The following MSH5 variants were observed in gnomAD, a reference collection of about 807,000 sequenced individuals.
MSH5 encodes the protein mutS homolog 5, also known as mutS protein homolog 5.
MSH5 carries 78 observed loss-of-function variants against 107.7 expected under a neutral mutation model. That is an observed-to-expected ratio of 0.72 (90% CI 0.60 to 0.87). MSH5 has a LOEUF of 0.87. Ranked by LOEUF, MSH5 falls within the 40% of genes least tolerant of loss-of-function variation. MSH5 has a pLI of 0.00. For missense variants in MSH5, 889 were observed against 1,046.6 expected, an observed-to-expected ratio of 0.85 and a Z score of 2.08; for synonymous variants, 326 against 399.5, an observed-to-expected ratio of 0.82 and a Z score of 2.19.
intron 9 of MSH5, among the ~76,000 whole-genome samples, chr6:31,745,931 C>G (rs1581521921): frequency 6.6e-6 from 1 of 151,796 alleles, no homozygotes. Flanking sequence ...CGATGCCTGG[C>G]TAATTTTTGT....
intron 3 of MSH5, among the ~76,000 whole-genome samples, chr6:31,741,718 A>G (rs1808928084): frequency 6.6e-6 from 1 of 151,834 alleles, no homozygotes; most frequent in Admixed American, 6.6e-5. Flanking sequence ...ACTGTCTAGC[A>G]TATTTTGTGT....
Position 31,759,654 on chromosome 6 carries a change from A to C in MSH5, c.1496-132A>C. 2 of 1,356,636 alleles carry C rather than the reference A, an allele frequency of 1.5e-6. No individual in the cohort carries two copies. The highest frequency in any genetic ancestry group is 2.1e-6 in the Non-Finnish European group (2 of 974,942). The allele number at this position is 1,356,636 out of a possible 1,614,324, so 84.0% of individuals were successfully genotyped here. On this transcript the variant is annotated intron_variant, in intron 17 of 24. Transcript: ENST00000375750. The surrounding 1 kb of genome is among the most constrained non-coding windows in gnomAD (Gnocchi z 4.7). ...TCTCTGTCTCGCTCACTCTGACTCT[A>C]TCTTTTCCTCTGAATGTCTTGAGGT...
chr6:31,745,807 G>T (rs182504014), intron 9 of MSH5, among the ~76,000 whole-genome samples: 2 of 131,950 alleles, frequency 1.5e-5, no homozygotes, highest in Non-Finnish European at 3.1e-5. Context: ...TCGCTCTGTC[G>T]CCCAGGCTGG....
Position 31,762,186 on chromosome 6 carries a change from GT to G in MSH5, c.2393+2del. 2 of 1,614,150 alleles carry G rather than the reference GT, an allele frequency of 1.2e-6. No homozygotes were observed. The highest frequency in any genetic ancestry group is 1.7e-6 in the Non-Finnish European group (2 of 1,180,002). ...TGCTAAAGAAGAACCAAATGGAAAA[GT>G]GCGTATATGGCCCCAGTGTCTTTAC... On this transcript the variant is annotated splice_donor_variant, in intron 24 of 24. Transcript: ENST00000375750. LOFTEE classifies it high-confidence loss of function.
chr6:31,747,068 C>T (rs1157455703), intron 9 of MSH5, among the ~76,000 whole-genome samples: 4 of 152,224 alleles, frequency 2.6e-5, no homozygotes, highest in Non-Finnish European at 5.9e-5. Context: ...ATCCGTCTGC[C>T]TCGGCCTCCC....
chr6:31,759,533 A>G lies in MSH5; in HGVS notation c.1495+21A>G, dbSNP rs1581559606. The G allele has an allele frequency of 1.2e-6, 2 of 1,611,292 alleles. No individual in the cohort carries two copies. The highest frequency in any genetic ancestry group is 1.7e-6 in the Non-Finnish European group (2 of 1,179,350). On this transcript the variant is annotated intron_variant, in intron 17 of 24. Coordinates refer to ENST00000375750, the MANE Select transcript of MSH5 (RefSeq NM_172166.4). The surrounding 1 kb of genome is among the most constrained non-coding windows in gnomAD (Gnocchi z 4.7). ...CCGGGGTGAGGAAAAGCCAGAGGTT[A>G]TATGCATTGTAAGATGTTTAAAAAA... is the stretch of plus-strand genomic sequence containing the variant.
In MSH5 at chr6:31,758,323, A is replaced by G. The variant is rs1810640094; in HGVS notation, c.1143+30A>G. On this transcript the variant is annotated intron_variant, in intron 13 of 24. Transcript: ENST00000375750. The surrounding 1 kb of genome is among the most constrained non-coding windows in gnomAD (Gnocchi z 5.1). Reference sequence around the variant, plus strand: ...GTAGAAGGAAAAAGGGAGTGCACCCAGGGAGGTCAGGGAGAGAGAATGCAG... The same window carrying G: ...GTAGAAGGAAAAAGGGAGTGCACCCGGGGAGGTCAGGGAGAGAGAATGCAG... The G allele has an allele frequency of 6.2e-7, 1 of 1,609,706 alleles. No homozygotes were observed. The highest frequency in any genetic ancestry group is 1.7e-5 in the Admixed American group (1 of 59,928).
chr6:31,757,019 C>T (rs972910197), intron 12 of MSH5: 1 of 152,062 alleles, frequency 6.6e-6, no homozygotes, highest in Non-Finnish European at 1.5e-5. Context: ...CTGTAACCTT[C>T]GAAATTTCAG....
intron 10 of MSH5, among the ~76,000 whole-genome samples, chr6:31,752,655 G>A (rs1311466031): frequency 6.6e-6 from 1 of 151,318 alleles, no homozygotes; most frequent in African/African-American, 2.4e-5. Flanking sequence ...GGGAGGTGGA[G>A]GTTGCAGTGA....
At chr6:31,751,095 T>C (rs1009976151) in intron 10 of MSH5, among the ~76,000 whole-genome samples, 6 of 151,978 alleles carry the variant, frequency 3.9e-5, no homozygotes, top group African/African-American at 1.4e-4. Flanking sequence ...ACCTCCCGGG[T>C]TTACACCATT....
chr6:31,759,552 TA>T lies in MSH5; in HGVS notation c.1495+47del. ...GAGGTTATATGCATTGTAAGATGTT[TA>T]AAAAAAGCAGCAGCCAGGGGAAGGA... On this transcript the variant is annotated intron_variant, in intron 17 of 24. Coordinates refer to ENST00000375750, the MANE Select transcript of MSH5 (RefSeq NM_172166.4). This position sits in a 1 kb window ranked among gnomAD's most constrained non-coding sequence, Gnocchi z 4.7. 3.7e-6 allele frequency: 6 copies of T among 1,604,348 alleles called. No homozygotes were observed. The highest frequency in any genetic ancestry group is 5.1e-6 in the Non-Finnish European group (6 of 1,174,254).
intron 12 of MSH5, among the ~76,000 whole-genome samples, chr6:31,755,827 G>C (rs1360886900): frequency 6.6e-6 from 1 of 151,858 alleles, no homozygotes; most frequent in Non-Finnish European, 1.5e-5. Context: ...TTAATCTACC[G>C]GTTCCTTCTC....
rs1044487917 is a variant in MSH5 at position 31,740,393 on chromosome 6, C to A, written c.-13-61C>A. On this transcript the variant is annotated intron_variant, in intron 1 of 24. Coordinates refer to ENST00000375750, the MANE Select transcript of MSH5 (RefSeq NM_172166.4). This position sits in a 1 kb window ranked among gnomAD's most constrained non-coding sequence, Gnocchi z 4.4. Reference sequence around the variant, plus strand: ...AGTGCTTTGCATTCTGCGCGCCACCCTACCCCGGCCTCCTCTGTGAATCGT... The same window carrying A: ...AGTGCTTTGCATTCTGCGCGCCACCATACCCCGGCCTCCTCTGTGAATCGT... 31 of 1,518,672 alleles carry A rather than the reference C, an allele frequency of 2.0e-5. 1 individual carries two copies. In the Middle Eastern group the frequency reaches 5.9e-4, roughly 29 times the overall value. The allele number at this position is 1,518,672 out of a possible 1,614,324, so 94.1% of individuals were successfully genotyped here.
intron 12 of MSH5, 62 bp downstream of exon 12, chr6:31,753,691 C>A: frequency 6.8e-7 from 1 of 1,467,368 alleles, no homozygotes; most frequent in Non-Finnish European, 9.6e-7. Flanking sequence ...GTATTCCAGA[C>A]TGTCTGTACC....
Position 31,758,590 on chromosome 6 carries a change from C to T in MSH5, c.1186C>T (p.Leu396Phe). ...CCTTGCTGAAAATCGCTTCACAGTCCTCCCCAACATAGATCCTGAAATTGA... is the reference window on the plus strand; with the variant it reads ...CCTTGCTGAAAATCGCTTCACAGTCTTCCCCAACATAGATCCTGAAATTGA... ...GSLAENRFTV[L>F]PNIDPEIDEK... Residue 396 changes from leucine to phenylalanine, a missense_variant, in exon 14 of 25, where the codon CTC (leucine) becomes TTC (phenylalanine). Leu to Phe is a conservative substitution (Grantham distance 22). Around this residue, in one of 3 missense-constraint regions of MSH5, gnomAD observed 518 missense variants for 565.0 expected, o/e 0.92. Transcript: ENST00000375750. The surrounding 1 kb of genome is among the most constrained non-coding windows in gnomAD (Gnocchi z 5.1). The T allele has an allele frequency of 6.2e-7, 1 of 1,613,888 alleles. No individual in the cohort carries two copies. Among genetic ancestry groups the T allele is most frequent in the Non-Finnish European group, 8.5e-7 (1 of 1,180,026 alleles).
chr6:31,743,501 T>G (rs999262855), intron 5 of MSH5: 3 of 480,216 alleles, frequency 6.2e-6, no homozygotes, highest in African/African-American at 3.9e-5. Context: ...ACTGCCTCAG[T>G]GACCCTTATT....
At position 31,758,022 on chromosome 6, in the gene MSH5, C is replaced by A; in HGVS notation, c.1015-143C>A. The A allele has an allele frequency of 2.0e-6, 2 of 983,172 alleles. No individual in the cohort carries two copies. Among genetic ancestry groups the A allele is most frequent in the South Asian group, 1.5e-5 (1 of 65,254 alleles). 60.9% of individuals were successfully genotyped at this position (983,172 alleles called of 1,614,324 possible). A position where few individuals can be genotyped will look rare whatever the true frequency, so the allele number is the denominator to read the frequency against. On this transcript the variant is annotated intron_variant, in intron 12 of 24. Transcript: ENST00000375750. This position sits in a 1 kb window ranked among gnomAD's most constrained non-coding sequence, Gnocchi z 5.1. Reference sequence around the variant, plus strand: ...TTTCAGTGTTTGGTACAGTGCCTCTCACTGTTTCTTTTTGCCTTTGAGATC... The same window carrying A: ...TTTCAGTGTTTGGTACAGTGCCTCTAACTGTTTCTTTTTGCCTTTGAGATC...
At chr6:31,741,336 TACACACAC>T (rs9279401) in intron 3 of MSH5, 50 bp downstream of exon 3, 45,075 of 895,270 alleles carry the variant, frequency 0.05, 1,835 homozygotes, top group East Asian at 0.14. Flanking sequence ...GCAGATGTGT[TACACACAC>T]ACACACACAC....
rs1176726588 is a variant in MSH5, at chr6:31,758,368, T to C, written c.1143+75T>C. On this transcript the variant is annotated intron_variant, in intron 13 of 24. Coordinates refer to ENST00000375750, the MANE Select transcript of MSH5 (RefSeq NM_172166.4). This position sits in a 1 kb window ranked among gnomAD's most constrained non-coding sequence, Gnocchi z 5.1. ...ATGCAGTGTGCAAGATGGGGAAACA[T>C]GGAAGATATTGAGGTCAATTGGATA... 10 of 1,590,414 alleles carry C rather than the reference T, an allele frequency of 6.3e-6. No homozygotes were observed. Among genetic ancestry groups the C allele is most frequent in the African/African-American group, 1.3e-5 (1 of 74,340 alleles).
Sources: gnomAD v4.1 joint callset for allele counts (sites outside exome capture counted in the v4.1 genomes callset) on GRCh38, gnomAD v4.1.1 for gene constraint, gnomAD v4.1.1 regional missense constraint, Gnocchi (gnomAD v3.1) non-coding constraint, MANE v1.5 for transcripts, NCBI Gene and HGNC (gene_info 2026-07-23, HGNC 2026-07-21) for gene names.